The following FHAD1 variants were observed in gnomAD, a reference collection of about 807,000 sequenced individuals.
The protein encoded by FHAD1 is forkhead associated phosphopeptide binding domain 1.
A neutral mutation model predicts 191.3 loss-of-function variants in FHAD1; 146 were observed. The observed-to-expected ratio is 0.76, with a 90% CI of 0.67 to 0.88. The LOEUF is 0.88. Ranked by LOEUF, FHAD1 falls within the 40% of genes least tolerant of loss-of-function variation. The pLI, the probability that FHAD1 is intolerant of heterozygous loss-of-function variation, is 0.00. For missense variants in FHAD1, 1,635 were observed against 1,785.8 expected, an observed-to-expected ratio of 0.92 and a Z score of 1.52; for synonymous variants, 616 against 672.3, an observed-to-expected ratio of 0.92 and a Z score of 1.29.
At chr1:15,359,765 A>G (rs1001039631) in intron 21 of FHAD1, among the ~76,000 whole-genome samples, 1 of 152,148 alleles carries the variant, frequency 6.6e-6, no homozygotes, top group Non-Finnish European at 1.5e-5. Context: ...CCTGGCTAAC[A>G]TGATGAAACC....
intron 18 of FHAD1, 30 bp from the exon 19 acceptor site, chr1:15,349,012 C>T: frequency 1.4e-6 from 2 of 1,412,452 alleles, no homozygotes; most frequent in Non-Finnish European, 9.8e-7. Flanking sequence ...AATGTGCAGG[C>T]CACCAAGAGC....
At chr1:15,400,659 T>A (rs1707082335), downstream of FHAD1, among the ~76,000 whole-genome samples, 1 of 152,208 alleles carries the variant, frequency 6.6e-6, no homozygotes, top group African/African-American at 2.4e-5. Context: ...GAACTCCCCA[T>A]AACAAAGAAT....
chr1:15,239,694 G>A (rs1645144596), intron 1 of FHAD1, among the ~76,000 whole-genome samples: 2 of 152,180 alleles, frequency 1.3e-5, no homozygotes, highest in South Asian at 4.1e-4. Context: ...TACAGCCCAG[G>A]AACAGTGATT....
At chr1:15,303,044 C>T (rs1425901922) in intron 6 of FHAD1, among the ~76,000 whole-genome samples, 1 of 152,220 alleles carries the variant, frequency 6.6e-6, no homozygotes, top group Non-Finnish European at 1.5e-5. Flanking sequence ...CATTCATCCA[C>T]TCATTCGTTC....
In FHAD1 at chr1:15,327,221, G is replaced by A. The variant is rs1679073500; in HGVS notation, c.1557+79G>A. On this transcript the variant is annotated intron_variant, in intron 12 of 33. Transcript: ENST00000688493. This position sits in a 1 kb window ranked among gnomAD's most constrained non-coding sequence, Gnocchi z 5.1. The stretch of plus-strand genomic sequence containing the variant: ...CGTGGATCTGGATTCCAGACCCTGG[G>A]AGCATATGTTTCTGTTTTTGTTGGT... 1.1e-6 allele frequency: 1 copy of A among 920,542 alleles called. No individual in the cohort carries two copies. Among genetic ancestry groups the A allele is most frequent in the Non-Finnish European group, 1.7e-6 (1 of 595,892 alleles). 57.0% of individuals were successfully genotyped at this position (920,542 alleles called of 1,614,324 possible). A position where few individuals can be genotyped will look rare whatever the true frequency, so the allele number is the denominator to read the frequency against.
intron 11 of FHAD1, 148 bp from the exon 12 acceptor site, chr1:15,326,911 G>A: frequency 1.7e-6 from 1 of 597,938 alleles, no homozygotes; most frequent in Non-Finnish European, 3.1e-6. Flanking sequence ...CACTCCCCGT[G>A]AGCGGTGAAG....
chr1:15,277,523 T>C (rs1168787872), intron 3 of FHAD1, among the ~76,000 whole-genome samples: 1 of 152,104 alleles, frequency 6.6e-6, no homozygotes, highest in Non-Finnish European at 1.5e-5. Context: ...TTCCCAAGAT[T>C]GTGTAATCAG....
intron 2 of FHAD1, among the ~76,000 whole-genome samples, chr1:15,257,384 G>A (rs1210119580): frequency 6.6e-6 from 1 of 152,230 alleles, no homozygotes; most frequent in African/African-American, 2.4e-5. Flanking sequence ...AACCCCTCAA[G>A]TTTTGAGAGA....
Position 15,375,586 on chromosome 1 carries a change from C to G in FHAD1, c.3578-17C>G, listed in dbSNP as rs767364589. The stretch of plus-strand genomic sequence containing the variant: ...TTCCTGAGCCTTTCTTTTGAGTCTA[C>G]TTTATTTCTTTTACAGATCATAAAG... On this transcript the variant is annotated splice_polypyrimidine_tract_variant and intron_variant, in intron 27 of 33. Transcript: ENST00000688493. 57 of 1,510,586 alleles carry G rather than the reference C, an allele frequency of 3.8e-5. 1 individual carries two copies. In the South Asian group the frequency reaches 6.3e-4, roughly 17 times the overall value. The allele number at this position is 1,510,586 out of a possible 1,614,324, so 93.6% of individuals were successfully genotyped here.
intron 28 of FHAD1, among the ~76,000 whole-genome samples, chr1:15,380,271 C>T (rs993238510): frequency 6.6e-6 from 1 of 152,096 alleles, no homozygotes; most frequent in Non-Finnish European, 1.5e-5. Flanking sequence ...CACAATCTGG[C>T]GTGGTTTGTG....
At chr1:15,241,807 G>A (rs1465651117) in intron 1 of FHAD1, among the ~76,000 whole-genome samples, 2 of 152,148 alleles carry the variant, frequency 1.3e-5, no homozygotes, top group Non-Finnish European at 2.9e-5. Context: ...TTCTTGATCT[G>A]GATTCTGGTT....
At chr1:15,370,892 G>A (rs949583698) in intron 26 of FHAD1, among the ~76,000 whole-genome samples, 1 of 152,170 alleles carries the variant, frequency 6.6e-6, no homozygotes, top group African/African-American at 2.4e-5. Flanking sequence ...AAATGTGTCA[G>A]CTTGCTTTCC....
chr1:15,377,323 C>G (rs1346934732), intron 28 of FHAD1, among the ~76,000 whole-genome samples: 2 of 152,054 alleles, frequency 1.3e-5, no homozygotes, highest in Non-Finnish European at 2.9e-5. Context: ...AGTGGAGGGA[C>G]AGCCTCCAGG....
At chr1:15,280,507 A>G (rs1660217232) in intron 3 of FHAD1, among the ~76,000 whole-genome samples, 1 of 152,160 alleles carries the variant, frequency 6.6e-6, no homozygotes, top group Non-Finnish European at 1.5e-5. Context: ...CAGAGTGTGC[A>G]GACAGCCTAG....
At chr1:15,320,133 C>T (rs1195127799) in intron 10 of FHAD1, among the ~76,000 whole-genome samples, 3 of 152,134 alleles carry the variant, frequency 2.0e-5, no homozygotes, top group Non-Finnish European at 2.9e-5. Context: ...CAGCTTATTT[C>T]CTAATTTCTA....
chr1:15,348,888 C>A (rs905135730), intron 18 of FHAD1, among the ~76,000 whole-genome samples, 154 bp from the exon 19 acceptor site: 12 of 152,046 alleles, frequency 7.9e-5, no homozygotes, highest in Non-Finnish European at 1.8e-4. Flanking sequence ...TGCTGTGAGA[C>A]TGAAGGGCTG....
chr1:15,304,528 T>A (rs1486819437), intron 6 of FHAD1, among the ~76,000 whole-genome samples: 1 of 152,224 alleles, frequency 6.6e-6, no homozygotes, highest in African/African-American at 2.4e-5. Context: ...TCTCTCTGTG[T>A]TGTGCCTCTG....
intron 12 of FHAD1, 89 bp from the exon 13 acceptor site, chr1:15,328,188 C>G: frequency 2.1e-5 from 22 of 1,053,436 alleles, no homozygotes; most frequent in Non-Finnish European, 2.8e-5. Flanking sequence ...AGTTGCATCT[C>G]TCCCCTCTCC....
At chr1:15,246,471 C>T (rs1557899966), upstream of FHAD1, among the ~76,000 whole-genome samples, 1 of 151,726 alleles carries the variant, frequency 6.6e-6, no homozygotes, top group East Asian at 1.9e-4. Context: ...GATAGGATTT[C>T]CTGCTGGAGA....
Sources: allele counts gnomAD v4.1 joint callset (sites outside exome capture counted in the v4.1 genomes callset), GRCh38; gene constraint gnomAD v4.1.1; non-coding constraint Gnocchi (gnomAD v3.1); transcripts MANE v1.5; gene names NCBI Gene and HGNC (gene_info 2026-07-23, HGNC 2026-07-21).